USP34: variants seen among roughly 807,000 people sequenced by gnomAD.
USP34 encodes the protein ubiquitin carboxyl-terminal hydrolase 34.
Under a neutral mutation model 460.3 loss-of-function variants are expected in USP34, and 70 were observed. That is an observed-to-expected ratio of 0.15 (90% CI 0.13 to 0.19). The LOEUF (loss-of-function observed/expected upper bound fraction) is 0.19. Among genes scored for constraint, USP34 ranks in the 10% least tolerant of loss-of-function variants. The pLI is 1.00. For missense variants in USP34, 3,985 were observed against 4,236.2 expected (o/e 0.94, Z 1.65); for synonymous variants, 1,647 against 1,405.3 (o/e 1.17, Z -3.85).
chr2:61,284,692 A>G (rs1339948751), intron 35 of USP34, among the ~76,000 whole-genome samples, 183 bp downstream of exon 35: 1 of 152,204 alleles, frequency 6.6e-6, no homozygotes, highest in Non-Finnish European at 1.5e-5. Context: ...TACGTGACTC[A>G]TAAATACAAG....
intron 69 of USP34, among the ~76,000 whole-genome samples, chr2:61,209,729 T>A (rs1687219092): frequency 6.6e-6 from 1 of 152,214 alleles, no homozygotes; most frequent in Admixed American, 6.5e-5. Context: ...AAGTTAAATG[T>A]AAAACAGCCT....
intron 41 of USP34, among the ~76,000 whole-genome samples, chr2:61,272,422 A>G (rs1689242770): frequency 6.6e-6 from 1 of 151,806 alleles, no homozygotes; most frequent in Non-Finnish European, 1.5e-5. Flanking sequence ...AAAAAAAAAA[A>G]AAAAAAAAAT....
At chr2:61,365,969 T>TATTTATTTATTTA (rs1553377152) in intron 10 of USP34, among the ~76,000 whole-genome samples, 1 of 152,226 alleles carries the variant, frequency 6.6e-6, no homozygotes, top group East Asian at 1.9e-4. Context: ...TTTATTTATT[T>TATTTATTTATTTA]GAGACACAGT....
chr2:61,204,940 G>C (rs1687075240), intron 72 of USP34, among the ~76,000 whole-genome samples: 1 of 152,064 alleles, frequency 6.6e-6, no homozygotes, highest in East Asian at 1.9e-4. Flanking sequence ...CTACAGCCTT[G>C]AGCTCCTGGG....
intron 68 of USP34, 98 bp from the exon 69 acceptor site, chr2:61,212,027 T>C: frequency 7.6e-7 from 1 of 1,319,472 alleles, no homozygotes; most frequent in Non-Finnish European, 1.0e-6. Context: ...CTTAAAATTA[T>C]ACAAATAAGC....
intron 76 of USP34, among the ~76,000 whole-genome samples, chr2:61,191,921 A>C (rs1313261365): frequency 6.6e-6 from 1 of 152,242 alleles, no homozygotes. Context: ...AAGTGAGCTA[A>C]GATCAGTGTA....
intron 59 of USP34, 53 bp downstream of exon 59, chr2:61,229,495 C>T (rs1404075276): frequency 2.0e-6 from 1 of 497,404 alleles, no homozygotes; most frequent in African/African-American, 2.4e-5. Flanking sequence ...AAAACAAAAA[C>T]ACCACACACA....
intron 27 of USP34, among the ~76,000 whole-genome samples, chr2:61,309,035 AAACAACAACAAC>A (rs568927718): frequency 3.3e-5 from 5 of 151,282 alleles, no homozygotes; most frequent in East Asian, 1.9e-4. Context: ...ACTATCTCAA[AAACAACAACAAC>A]AACAACAACA....
chr2:61,263,876 A>C (rs1407118642), intron 43 of USP34, among the ~76,000 whole-genome samples: 1 of 152,102 alleles, frequency 6.6e-6, no homozygotes, highest in East Asian at 1.9e-4. Flanking sequence ...TCTGCTTGTA[A>C]ATTTAGTTTT....
chr2:61,406,087 A>G lies in USP34; in HGVS notation c.173T>C (p.Ile58Thr), dbSNP rs1384690784. ...CCFKEYKHLE[I>T]FNQVVCALIN... ...AAGTGCACACACTACTTGATTAAAA[A>G]TCTCCAAATGCTTATATTCCTTGAA... is the stretch of plus-strand genomic sequence containing the variant. The change falls in exon 3 of 80, where the codon ATT becomes ACT. Residue 58 changes from isoleucine to threonine, a missense_variant. Physicochemically the swap from Ile to Thr is moderately conservative, Grantham distance 89 (BLOSUM62 -1). This residue lies in a region of USP34 where 331 missense variants were observed against 293.7 expected (regional missense o/e 1.13). Coordinates refer to ENST00000398571, the MANE Select transcript of USP34 (RefSeq NM_014709.4). 6.2e-7 allele frequency: 1 copy of G among 1,612,646 alleles called. No homozygotes were observed. The highest frequency in any genetic ancestry group is 1.3e-5 in the African/African-American group (1 of 74,828).
intron 25 of USP34, among the ~76,000 whole-genome samples, chr2:61,312,423 A>C (rs1009109371): frequency 6.6e-6 from 1 of 152,048 alleles, no homozygotes; most frequent in East Asian, 1.9e-4. Context: ...ATTTCAAAGG[A>C]AACAGGCACC....
intron 62 of USP34, among the ~76,000 whole-genome samples, chr2:61,224,025 CAGAT>C (rs1687662522): frequency 6.6e-6 from 1 of 152,262 alleles, no homozygotes; most frequent in South Asian, 2.1e-4. Flanking sequence ...GTATCTTTAA[CAGAT>C]AGGTTTCAAA....
chr2:61,293,317 T>C, intron 33 of USP34, 147 bp downstream of exon 33: 1 of 482,360 alleles, frequency 2.1e-6, no homozygotes, highest in Non-Finnish European at 3.6e-6. Flanking sequence ...AATTAGTTTA[T>C]CAAACTGTAT....
chr2:61,372,992 A>G (rs1160479437), intron 8 of USP34, among the ~76,000 whole-genome samples: 1 of 152,166 alleles, frequency 6.6e-6, no homozygotes. Flanking sequence ...AGTAAGAGAA[A>G]AACAACTAAG....
chr2:61,269,317 T>C (rs1257771729), intron 41 of USP34, among the ~76,000 whole-genome samples: 1 of 134,588 alleles, frequency 7.4e-6, no homozygotes, highest in African/African-American at 2.7e-5. Context: ...CTCACCACCT[T>C]GGCTAATTTT....
In USP34 at chr2:61,358,495, C is replaced by T. The variant is rs532912001; in HGVS notation, c.1252-7802G>A. Among the ~76,000 whole-genome samples the T allele has an allele frequency of 6.1e-4, 93 of 152,102 alleles. 1 individual carries two copies. The highest frequency in any genetic ancestry group is 2.0e-3 in the African/African-American group (82 of 41,498). ...AAAAAAATCAACATGATAAAGGGTACTTATCAAAAACCCACAGGCAATATC... is the reference window on the plus strand; with the variant it reads ...AAAAAAATCAACATGATAAAGGGTATTTATCAAAAACCCACAGGCAATATC... On this transcript the variant is annotated intron_variant, in intron 10 of 79. Coordinates refer to ENST00000398571, the MANE Select transcript of USP34 (RefSeq NM_014709.4).
chr2:61,242,115 A>G (rs4672427), intron 51 of USP34, among the ~76,000 whole-genome samples: 84,697 of 151,900 alleles, frequency 0.56, 23,852 homozygotes, highest in South Asian at 0.73. Flanking sequence ...GTGAGGCAAG[A>G]AAGTAGTTGG....
intron 18 of USP34, among the ~76,000 whole-genome samples, chr2:61,338,696 A>G (rs1691499992): frequency 6.6e-6 from 1 of 152,218 alleles, no homozygotes; most frequent in African/African-American, 2.4e-5. Flanking sequence ...TCCATGGAAG[A>G]ACACTGAAAA....
chr2:61,271,726 G>C (rs1165527311), intron 41 of USP34, among the ~76,000 whole-genome samples: 1 of 152,150 alleles, frequency 6.6e-6, no homozygotes, highest in Non-Finnish European at 1.5e-5. Context: ...GGAAGCAGTA[G>C]TAGTGATAGT....
Sources: gnomAD v4.1 joint callset for allele counts (sites outside exome capture counted in the v4.1 genomes callset) on GRCh38, gnomAD v4.1.1 for gene constraint, gnomAD v4.1.1 regional missense constraint, MANE v1.5 for transcripts, NCBI Gene and HGNC (gene_info 2026-07-23, HGNC 2026-07-21) for gene names.